The following AP3B1 variants were observed in gnomAD, a reference collection of about 807,000 sequenced individuals.
AP3B1 encodes the protein adaptor related protein complex 3 subunit beta 1, also known as AP-3 complex subunit beta-1.
A neutral mutation model predicts 132.5 loss-of-function variants in AP3B1; 61 were observed. The ratio of observed to expected loss-of-function variants is 0.46; its 90% CI spans 0.37 to 0.57. The LOEUF (loss-of-function observed/expected upper bound fraction) is 0.57. AP3B1 is among the 20% of genes least tolerant of loss of function. AP3B1 has a pLI of 0.00. For missense variants in AP3B1, 1,120 were observed against 1,289.4 expected (o/e 0.87, Z 2.01); for synonymous variants, 388 against 438.3 (o/e 0.89, Z 1.43).
intron 20 of AP3B1, 99 bp from the exon 21 acceptor site, chr5:78,101,124 A>AG: frequency 1.5e-6 from 1 of 676,466 alleles, no homozygotes; most frequent in East Asian, 2.8e-5. Flanking sequence ...TCCTCTGCTT[A>AG]GTGGTACCAA....
chr5:78,258,113 G>C (rs148144464), intron 2 of AP3B1, among the ~76,000 whole-genome samples: 2,489 of 152,318 alleles, frequency 0.016, 141 homozygotes, highest in Admixed American at 0.12. Flanking sequence ...AAGATTTCTT[G>C]AGTAATACCC....
chr5:78,226,130 C>T (rs943977576), intron 5 of AP3B1, among the ~76,000 whole-genome samples: 1 of 151,916 alleles, frequency 6.6e-6, no homozygotes, highest in African/African-American at 2.4e-5. Flanking sequence ...AGATAGAATA[C>T]TAACAGACTA....
chr5:78,271,604 C>T (rs892190986), intron 1 of AP3B1, among the ~76,000 whole-genome samples: 2 of 152,136 alleles, frequency 1.3e-5, no homozygotes, highest in East Asian at 3.9e-4. Flanking sequence ...TAACAAACAA[C>T]GTCTTAATTT....
chr5:78,102,890 A>T (rs1384944676), intron 20 of AP3B1, among the ~76,000 whole-genome samples: 1 of 152,168 alleles, frequency 6.6e-6, no homozygotes, highest in East Asian at 1.9e-4. Flanking sequence ...ATATCAGGTC[A>T]CATATAACAC....
intron 11 of AP3B1, among the ~76,000 whole-genome samples, chr5:78,172,712 T>C (rs1317241382): frequency 6.6e-6 from 1 of 152,152 alleles, no homozygotes; most frequent in Non-Finnish European, 1.5e-5. Flanking sequence ...TTTCGAAGGG[T>C]TTTTCGTTAT....
At chr5:78,084,632 G>A (rs1159889613) in intron 22 of AP3B1, among the ~76,000 whole-genome samples, 1 of 150,870 alleles carries the variant, frequency 6.6e-6, no homozygotes, top group African/African-American at 2.4e-5. Flanking sequence ...ATTCATATAT[G>A]TGCTTTCCAT....
At chr5:78,112,060 A>G (rs566142320) in intron 19 of AP3B1, among the ~76,000 whole-genome samples, 18 of 152,116 alleles carry the variant, frequency 1.2e-4, no homozygotes, top group Non-Finnish European at 2.4e-4. Flanking sequence ...TGATTACTAA[A>G]GGGTGGTTTT....
At chr5:78,172,687 CTGGATTCAT>C (rs1349623694) in intron 11 of AP3B1, among the ~76,000 whole-genome samples, 1 of 152,160 alleles carries the variant, frequency 6.6e-6, no homozygotes, top group Non-Finnish European at 1.5e-5. Flanking sequence ...AAACCAGCTC[CTGGATTCAT>C]TGATTTTTCG....
At chr5:78,074,122 A>G (rs954859510) in intron 22 of AP3B1, among the ~76,000 whole-genome samples, 5 of 152,214 alleles carry the variant, frequency 3.3e-5, no homozygotes, top group South Asian at 4.1e-4. Context: ...AGCCAATTAA[A>G]AATATTTTGC....
rs542529663 is a variant in AP3B1 at position 78,075,919 on chromosome 5, G to A, written c.2577+13474C>T. On this transcript the variant is annotated intron_variant, in intron 22 of 26. Transcript: ENST00000255194. ...CAATGGTAATTCAAGGAAAGCAAAC[G>A]GCGAAGAGTACGGACTATGAAAATC... 3.3e-5 allele frequency among the ~76,000 whole-genome samples: 5 copies of A among 152,300 alleles called. No homozygotes were observed. In the South Asian group the frequency reaches 1.0e-3, roughly 32 times the overall value.
intron 3 of AP3B1, among the ~76,000 whole-genome samples, chr5:78,235,260 C>T (rs751631921): frequency 1.1e-4 from 17 of 152,190 alleles, no homozygotes; most frequent in Non-Finnish European, 7.3e-5. Context: ...AAGAATGGGT[C>T]CAGTTCTCCC....
intron 22 of AP3B1, among the ~76,000 whole-genome samples, chr5:78,086,242 G>C (rs1750245449): frequency 6.6e-6 from 1 of 152,116 alleles, no homozygotes; most frequent in Non-Finnish European, 1.5e-5. Context: ...AGCCTTAATA[G>C]TAAGAAGAAA....
intron 1 of AP3B1, among the ~76,000 whole-genome samples, chr5:78,292,140 T>C (rs1029511814): frequency 1.7e-4 from 26 of 152,162 alleles, no homozygotes; most frequent in African/African-American, 6.3e-4. Context: ...AGTAAACCAT[T>C]AAAAACCAGA....
intron 1 of AP3B1, among the ~76,000 whole-genome samples, chr5:78,274,032 GAAAAAA>G (rs57157997): frequency 1.1e-5 from 1 of 91,556 alleles, no homozygotes; most frequent in South Asian, 3.5e-4. Context: ...AGAAAAAAAG[GAAAAAA>G]AAAAAAAAAA....
intron 1 of AP3B1, among the ~76,000 whole-genome samples, chr5:78,278,619 AAAAAAAG>A (rs1748895317): frequency 7.5e-6 from 1 of 133,592 alleles, no homozygotes; most frequent in African/African-American, 2.9e-5. Flanking sequence ...AAAAAAAAAA[AAAAAAAG>A]GGGGGGGGGG....
chr5:78,156,216 T>G, intron 14 of AP3B1, 42 bp downstream of exon 14: 1 of 1,407,434 alleles, frequency 7.1e-7, no homozygotes, highest in Non-Finnish European at 1.0e-6. Context: ...AATTACAACT[T>G]ACTGAATAAA....
At chr5:78,091,077 A>G (rs1750490202) in intron 21 of AP3B1, among the ~76,000 whole-genome samples, 1 of 151,930 alleles carries the variant, frequency 6.6e-6, no homozygotes, top group South Asian at 2.1e-4. Context: ...GTGTGCCACA[A>G]CACCCAGCTG....
chr5:78,070,727 A>C (rs1749500404), intron 22 of AP3B1, among the ~76,000 whole-genome samples: 1 of 152,070 alleles, frequency 6.6e-6, no homozygotes, highest in Admixed American at 6.6e-5. Context: ...AAAAACAAAA[A>C]AAAAAACATT....
chr5:78,118,036 G>C (rs146882807), intron 17 of AP3B1, among the ~76,000 whole-genome samples: 18 of 152,268 alleles, frequency 1.2e-4, no homozygotes, highest in African/African-American at 3.6e-4. Context: ...TCTCAGCACT[G>C]AATGTACAAT....
Sources: allele counts gnomAD v4.1 joint callset (sites outside exome capture counted in the v4.1 genomes callset), GRCh38; gene constraint gnomAD v4.1.1; transcripts MANE v1.5; gene names NCBI Gene and HGNC (gene_info 2026-07-23, HGNC 2026-07-21).